Variants in CFAP99 observed in about 807,000 individuals in gnomAD.
CFAP99 encodes cilia and flagella associated protein 99, also known as cilia- and flagella-associated protein 99.
Under a neutral mutation model 82.7 loss-of-function variants are expected in CFAP99, and 84 were observed. The ratio of observed to expected loss-of-function variants is 1.02; its 90% CI spans 0.85 to 1.22. The LOEUF is 1.22. CFAP99 is among the 50% of genes most tolerant of loss of function. The pLI, the probability that CFAP99 is intolerant of heterozygous loss-of-function variation, is 0.00. For missense variants in CFAP99, 1,059 were observed against 983.5 expected (o/e 1.08, Z -1.03); for synonymous variants, 456 against 429.5 (o/e 1.06, Z -0.76).
intron 3 of CFAP99, 126 bp from the exon 4 acceptor site, chr4:2,437,944 C>T: frequency 3.3e-6 from 2 of 598,024 alleles, no homozygotes; most frequent in Non-Finnish European, 6.0e-6. Context: ...CAGGTGGGCA[C>T]CAATAGGGTG....
In CFAP99 at chr4:2,462,823, C is replaced by A. The variant is rs1264024375; in HGVS notation, c.2042C>A (p.Ala681Glu). ...CCCGGCCTGCAGGCGCAGCTAGAGG[C>A]GCAGCACTGGCTGGAGCTGGAGCGG... is the stretch of plus-strand genomic sequence containing the variant. Residue 681 changes from alanine (A) to glutamate (E), a missense_variant, in exon 15 of 15, where the codon GCG becomes GAG. Physicochemically the swap from Ala to Glu is moderately radical, Grantham distance 107. Coordinates refer to ENST00000635017, the Ensembl canonical transcript of CFAP99. This position sits in a 1 kb window ranked among gnomAD's most constrained non-coding sequence, Gnocchi z 4.1. The A allele has an allele frequency of 5.9e-6, 8 of 1,360,682 alleles. No individual in the cohort carries two copies. In the Admixed American group the frequency reaches 1.6e-4, roughly 27 times the overall value. 84.3% of individuals were successfully genotyped at this position (1,360,682 alleles called of 1,614,324 possible).
chr4:2,445,052 C>T (rs928159591), intron 5 of CFAP99, 79 bp from the exon 6 acceptor site: 3 of 1,101,314 alleles, frequency 2.7e-6, no homozygotes, highest in African/African-American at 1.6e-5. Context: ...TGCGGGAGCC[C>T]TCTGGATCCT....
exon 5 of CFAP99, chr4:2,443,223 T>C: frequency 2.0e-6 from 3 of 1,535,166 alleles, no homozygotes; most frequent in Non-Finnish European, 2.6e-6. Flanking sequence ...GAAGGAGAAC[T>C]GGATCGACCC....
At position 2,462,819 on chromosome 4, in the gene CFAP99, G is replaced by C. The variant is rs1387577533; in HGVS notation, c.2038G>C (p.Glu680Gln). ...GTTCCCCGGCCTGCAGGCGCAGCTA[G>C]AGGCGCAGCACTGGCTGGAGCTGGA... The change falls in exon 15 of 15, where the codon GAG becomes CAG. Residue 680 changes from glutamate to glutamine, a missense_variant. Physicochemically the swap from Glu to Gln is conservative, Grantham distance 29. Transcript: ENST00000635017. This position sits in a 1 kb window ranked among gnomAD's most constrained non-coding sequence, Gnocchi z 4.1. 8 of 1,341,242 alleles carry C rather than the reference G, an allele frequency of 6.0e-6. No individual in the cohort carries two copies. The highest frequency in any genetic ancestry group is 1.9e-6 in the Non-Finnish European group (2 of 1,047,406). The allele number at this position is 1,341,242 out of a possible 1,614,324, so 83.1% of individuals were successfully genotyped here.
At chr4:2,421,996 C>G (rs1282968190) in intron 1 of CFAP99, among the ~76,000 whole-genome samples, 1 of 152,020 alleles carries the variant, frequency 6.6e-6, no homozygotes, top group South Asian at 2.1e-4. Flanking sequence ...GAGTTATCAT[C>G]GAGCCACTGC....
chr4:2,454,325 T>C (rs1262567698), intron 11 of CFAP99, among the ~76,000 whole-genome samples: 2 of 151,912 alleles, frequency 1.3e-5, no homozygotes, highest in East Asian at 3.9e-4. Context: ...TTAGTAGAGA[T>C]GGGTTTTCAC....
intron 8 of CFAP99, chr4:2,450,346 A>C: frequency 1.4e-5 from 5 of 353,200 alleles, no homozygotes; most frequent in Non-Finnish European, 2.2e-5. Context: ...AATAAAGAAA[A>C]AGCAAGGTAA....
chr4:2,458,800 G>A, exon 12 of CFAP99: 1 of 1,535,962 alleles, frequency 6.5e-7, no homozygotes, highest in Non-Finnish European at 8.7e-7. Flanking sequence ...TGGAGCAGGT[G>A]ATAGAGGGGC....
chr4:2,442,050 G>A lies in CFAP99; in HGVS notation c.352-1080G>A, dbSNP rs900188139. On this transcript the variant is annotated intron_variant, in intron 4 of 14. Coordinates refer to ENST00000635017, the Ensembl canonical transcript of CFAP99. ...CCCCACCCCAACTCCAGCAGGTTCC[G>A]GGTAGGGCTGTCCCACCACACCCCA... Among the ~76,000 whole-genome samples the A allele has an allele frequency of 1.9e-4, 29 of 152,304 alleles. No individual in the cohort carries two copies. The East Asian group carries it at 4.4e-3, about 23-fold the overall frequency.
intron 2 of CFAP99, among the ~76,000 whole-genome samples, chr4:2,436,402 T>C (rs1038901065): frequency 3.9e-5 from 6 of 152,224 alleles, no homozygotes; most frequent in African/African-American, 9.6e-5. Flanking sequence ...AATGTACCAC[T>C]GTAGCCATTT....
chr4:2,420,200 A>T (rs1003475659), intron 1 of CFAP99, among the ~76,000 whole-genome samples: 5 of 152,060 alleles, frequency 3.3e-5, no homozygotes, highest in East Asian at 3.9e-4. Flanking sequence ...CCCTGGACTC[A>T]GTCCTTGGAA....
At position 2,426,600 on chromosome 4, in the gene CFAP99, G is replaced by A. The variant is rs1449246786; in HGVS notation, c.111+14G>A. The A allele has an allele frequency of 1.3e-6, 2 of 1,515,498 alleles. No homozygotes were observed. Among genetic ancestry groups the A allele is most frequent in the Non-Finnish European group, 1.8e-6 (2 of 1,128,254 alleles). 93.9% of individuals were successfully genotyped at this position (1,515,498 alleles called of 1,614,324 possible). On this transcript the variant is annotated intron_variant, in intron 2 of 14. Transcript: ENST00000635017. ...ACCTCCCTGCAGGTAGGATCTGCTG[G>A]GGGCTGCTGGGAGGCCACGCCAATG...
At chr4:2,443,310 G>A in intron 5 of CFAP99, 68 bp downstream of exon 5, 2 of 961,066 alleles carry the variant, frequency 2.1e-6, no homozygotes, top group Non-Finnish European at 3.2e-6. Flanking sequence ...GCCTCCACGG[G>A]CACGGGAGCT....
chr4:2,441,472 G>T (rs1377713300), intron 4 of CFAP99, among the ~76,000 whole-genome samples: 1 of 152,066 alleles, frequency 6.6e-6, no homozygotes, highest in Non-Finnish European at 1.5e-5. Context: ...TCGGCCTGCA[G>T]AGCCCCAAAG....
At position 2,445,328 on chromosome 4, in the gene CFAP99, G is replaced by A. The variant is rs1734140547; in HGVS notation, c.642+20G>A. 7.6e-7 allele frequency: 1 copy of A among 1,318,572 alleles called. No individual in the cohort carries two copies. The allele number at this position is 1,318,572 out of a possible 1,614,324, so 81.7% of individuals were successfully genotyped here. ...AGACCCGTGAGTGTGGGCATTCTCA[G>A]CAGGCACTGGCTTGCAGGCATCAGG... is the stretch of plus-strand genomic sequence containing the variant. On this transcript the variant is annotated intron_variant, in intron 6 of 14. Transcript: ENST00000635017.
intron 3 of CFAP99, 74 bp downstream of exon 3, chr4:2,437,092 A>C: frequency 6.6e-7 from 1 of 1,509,766 alleles, no homozygotes; most frequent in South Asian, 1.2e-5. Context: ...AAGGCCTGGC[A>C]GGCAGGCAGC....
At chr4:2,426,406 C>T in intron 1 of CFAP99, 53 bp from the exon 2 acceptor site, 3 of 1,140,892 alleles carry the variant, frequency 2.6e-6, no homozygotes, top group South Asian at 2.6e-5. Context: ...TGGGGAGGGT[C>T]CTGCGGCTAC....
intron 5 of CFAP99, 65 bp downstream of exon 5, chr4:2,443,307 C>G (rs1452300353): frequency 2.0e-6 from 2 of 996,436 alleles, no homozygotes; most frequent in Middle Eastern, 2.0e-4. Context: ...GGTGCCTCCA[C>G]GGGCACGGGA....
In CFAP99 at chr4:2,459,277, A is replaced by G; in HGVS notation, c.1455+19A>G. On this transcript the variant is annotated intron_variant, in intron 13 of 14. Transcript: ENST00000635017. ...GACCCAGGTGAGGATGCAGTCCTGGACGGGCCCATGCCTCAGGGGCCTCCA... is the reference window on the plus strand; with the variant it reads ...GACCCAGGTGAGGATGCAGTCCTGGGCGGGCCCATGCCTCAGGGGCCTCCA... 6.6e-7 allele frequency: 1 copy of G among 1,518,878 alleles called. No homozygotes were observed. The highest frequency in any genetic ancestry group is 8.8e-7 in the Non-Finnish European group (1 of 1,137,188). 94.1% of individuals were successfully genotyped at this position (1,518,878 alleles called of 1,614,324 possible).
Sources: gnomAD v4.1 joint callset for allele counts (sites outside exome capture counted in the v4.1 genomes callset) on GRCh38, gnomAD v4.1.1 for gene constraint, Gnocchi (gnomAD v3.1) non-coding constraint, MANE v1.5 for transcripts, NCBI Gene and HGNC (gene_info 2026-07-23, HGNC 2026-07-21) for gene names.